Variants in IMMP2L observed in about 807,000 individuals in gnomAD.
The protein encoded by IMMP2L is inner mitochondrial membrane peptidase subunit 2.
Under a neutral mutation model 19.3 loss-of-function variants are expected in IMMP2L, and 18 were observed. The observed-to-expected ratio is 0.93, with a 90% confidence interval of 0.64 to 1.38. The LOEUF (loss-of-function observed/expected upper bound fraction) is 1.38. Among genes scored for constraint, IMMP2L ranks in the 40% most tolerant of loss-of-function variants. The probability of loss-of-function intolerance (pLI) is 0.00; values close to 1 mark genes in which losing one functional copy is unlikely to be tolerated. For synonymous variants in IMMP2L, 76 were observed against 73.0 expected, an observed-to-expected ratio of 1.04 and a Z score of -0.21; for missense variants, 233 against 218.2, an observed-to-expected ratio of 1.07 and a Z score of -0.43.
rs868565736 is a variant in IMMP2L at position 110,877,085 on chromosome 7, G to A, written c.408+9508C>T. ...TTAACTCAGCCGTTACAGAGGGAAA[G>A]CAGCCATAGTCAATATGAAAGCCAG... On this transcript the variant is annotated intron_variant, in intron 5 of 5. Coordinates refer to ENST00000405709, the MANE Select transcript of IMMP2L (RefSeq NM_032549.4). This position sits in a 1 kb window ranked among gnomAD's most constrained non-coding sequence, Gnocchi z 4.0. Among the ~76,000 whole-genome samples, 1 of 152,150 alleles carries A rather than the reference G, an allele frequency of 6.6e-6. No individual in the cohort carries two copies.
At chr7:111,126,196 C>G (rs2129591306) in intron 3 of IMMP2L, among the ~76,000 whole-genome samples, 1 of 152,190 alleles carries the variant, frequency 6.6e-6, no homozygotes, top group East Asian at 1.9e-4. Context: ...TTTCAAATCT[C>G]TCTCTGATTC....
At chr7:111,025,509 C>A (rs189089570) in intron 3 of IMMP2L, among the ~76,000 whole-genome samples, 1 of 152,104 alleles carries the variant, frequency 6.6e-6, no homozygotes, top group Non-Finnish European at 1.5e-5. Flanking sequence ...CTAAATAAAA[C>A]AGGTTGCGCC....
intron 2 of IMMP2L, among the ~76,000 whole-genome samples, chr7:111,488,850 T>A (rs1842864618): frequency 6.6e-6 from 1 of 152,040 alleles, no homozygotes; most frequent in Non-Finnish European, 1.5e-5. Context: ...TTTCACCACA[T>A]ACACATCAAC....
intron 5 of IMMP2L, among the ~76,000 whole-genome samples, chr7:110,862,436 C>T (rs1178308712): frequency 1.3e-5 from 2 of 151,544 alleles, no homozygotes; most frequent in East Asian, 3.9e-4. Context: ...AACTCCTGGG[C>T]TCAAGCGATC....
intron 5 of IMMP2L, among the ~76,000 whole-genome samples, chr7:110,814,766 T>C (rs1041234149): frequency 1.3e-5 from 2 of 150,702 alleles, no homozygotes; most frequent in Non-Finnish European, 3.0e-5. Context: ...TAATAATTGA[T>C]TGCTCAGAAA....
intron 1 of IMMP2L, among the ~76,000 whole-genome samples, chr7:111,541,197 AT>A (rs1848479619): frequency 6.6e-6 from 1 of 152,276 alleles, no homozygotes; most frequent in Admixed American, 6.5e-5. Flanking sequence ...AAAATTACTT[AT>A]CTTCCATGAT....
intron 1 of IMMP2L, among the ~76,000 whole-genome samples, chr7:111,549,927 C>T (rs10953689): frequency 6.1e-5 from 9 of 147,452 alleles, no homozygotes; most frequent in African/African-American, 2.1e-4. Context: ...GATGACAGAG[C>T]GAGACTCCGT....
At chr7:110,929,260 A>G (rs1343706915) in intron 4 of IMMP2L, among the ~76,000 whole-genome samples, 2 of 152,156 alleles carry the variant, frequency 1.3e-5, no homozygotes, top group Non-Finnish European at 2.9e-5. Flanking sequence ...AGTTTCTTGT[A>G]TCTGTAGAAT....
intron 5 of IMMP2L, among the ~76,000 whole-genome samples, chr7:110,749,905 T>A (rs556348136): frequency 1.1e-4 from 17 of 151,978 alleles, no homozygotes; most frequent in African/African-American, 3.6e-4. Context: ...ATAATAATAA[T>A]AAAAACAATT....
chr7:111,119,217 G>C (rs1279432724), intron 3 of IMMP2L, among the ~76,000 whole-genome samples: 1 of 152,154 alleles, frequency 6.6e-6, no homozygotes, highest in African/African-American at 2.4e-5. Flanking sequence ...AATGCAATTG[G>C]ACTTTGTACC....
intron 5 of IMMP2L, among the ~76,000 whole-genome samples, chr7:110,745,710 T>G (rs543830035): frequency 2.6e-5 from 4 of 152,172 alleles, no homozygotes; most frequent in African/African-American, 9.7e-5. Flanking sequence ...CTGAGAGATT[T>G]TGTCACCACC....
intron 4 of IMMP2L, among the ~76,000 whole-genome samples, chr7:110,918,353 AC>A (rs1813851075): frequency 6.6e-6 from 1 of 152,124 alleles, no homozygotes; most frequent in Non-Finnish European, 1.5e-5. Flanking sequence ...TCCTGAACTT[AC>A]AGCTCTAAAA....
chr7:110,886,946 T>C (rs1022780409), intron 4 of IMMP2L, among the ~76,000 whole-genome samples: 2 of 152,168 alleles, frequency 1.3e-5, no homozygotes, highest in Non-Finnish European at 2.9e-5. Flanking sequence ...CTAAATATAA[T>C]GTGTTGTTAT....
intron 3 of IMMP2L, among the ~76,000 whole-genome samples, chr7:111,343,750 T>C (rs1461643463): frequency 6.6e-6 from 1 of 152,154 alleles, no homozygotes; most frequent in Non-Finnish European, 1.5e-5. Context: ...GAGAATTTGA[T>C]GGTCTAGGTG....
intron 3 of IMMP2L, among the ~76,000 whole-genome samples, chr7:111,254,933 T>C (rs1472433604): frequency 3.3e-5 from 5 of 152,138 alleles, no homozygotes; most frequent in Non-Finnish European, 7.4e-5. Context: ...ATAGCAAACA[T>C]ATATGTAACT....
intron 5 of IMMP2L, among the ~76,000 whole-genome samples, chr7:110,701,281 CT>C (rs776101856): frequency 5.9e-5 from 9 of 152,252 alleles, no homozygotes; most frequent in South Asian, 2.1e-4. Context: ...TTTACTGCCC[CT>C]AATAGCAAAT....
intron 3 of IMMP2L, among the ~76,000 whole-genome samples, chr7:111,068,191 A>G (rs1464529758): frequency 1.3e-5 from 2 of 152,210 alleles, no homozygotes; most frequent in African/African-American, 4.8e-5. Flanking sequence ...CACAGAGAAT[A>G]CAGACTAAGA....
chr7:111,411,464 G>T, intron 3 of IMMP2L: 1 of 499,570 alleles, frequency 2.0e-6, no homozygotes. Context: ...GTACCTGAAC[G>T]AAGTCACGGG....
At chr7:111,518,769 A>T (rs1563302640) in intron 2 of IMMP2L, among the ~76,000 whole-genome samples, 1 of 152,142 alleles carries the variant, frequency 6.6e-6, no homozygotes, top group Non-Finnish European at 1.5e-5. Flanking sequence ...ATTATCTATT[A>T]TACCTAGAGT....
Sources: gnomAD v4.1 joint callset for allele counts (sites outside exome capture counted in the v4.1 genomes callset) on GRCh38, gnomAD v4.1.1 for gene constraint, Gnocchi (gnomAD v3.1) non-coding constraint, MANE v1.5 for transcripts, NCBI Gene and HGNC (gene_info 2026-07-23, HGNC 2026-07-21) for gene names.